Variants in PDE8B observed in about 807,000 individuals in gnomAD.
PDE8B encodes phosphodiesterase 8B.
In PDE8B, 26 loss-of-function variants were observed where a neutral mutation model predicts 101.3. The ratio of observed to expected loss-of-function variants is 0.26; its 90% CI spans 0.19 to 0.36. The LOEUF is 0.36. PDE8B is among the 10% of genes least tolerant of loss of function. PDE8B has a pLI of 1.00. For missense variants in PDE8B, 810 were observed against 1,163.1 expected (o/e 0.70, Z 4.42); for synonymous variants, 424 against 429.3 (o/e 0.99, Z 0.15).
chr5:77,379,879 G>A (rs1787121948), intron 10 of PDE8B, among the ~76,000 whole-genome samples: 1 of 152,130 alleles, frequency 6.6e-6, no homozygotes, highest in African/African-American at 2.4e-5. Context: ...TAAATGAAGG[G>A]AGGGTCTCAA....
chr5:77,140,750 C>T, the PDE8B span: 1 of 152,230 alleles, frequency 6.6e-6, no homozygotes, highest in Non-Finnish European at 1.5e-5. Flanking sequence ...GTTTATACAG[C>T]ACCTTCACTC....
At chr5:77,267,694 A>G (rs1762025289) in intron 1 of PDE8B, among the ~76,000 whole-genome samples, 1 of 152,082 alleles carries the variant, frequency 6.6e-6, no homozygotes, top group African/African-American at 2.4e-5. Flanking sequence ...TCTTGATCCT[A>G]ATCAGTGCGT....
chr5:77,417,213 C>T (rs562898188), intron 17 of PDE8B, among the ~76,000 whole-genome samples: 2 of 152,304 alleles, frequency 1.3e-5, no homozygotes, highest in South Asian at 4.1e-4. Flanking sequence ...GTTACTTTAT[C>T]AGATAGCACA....
the PDE8B span, among the ~76,000 whole-genome samples, chr5:77,103,463 A>G: frequency 2.6e-5 from 4 of 152,230 alleles, no homozygotes; most frequent in African/African-American, 9.6e-5. Context: ...CCCATAAATT[A>G]CATATTTATA....
chr5:77,246,588 A>G (rs575653259), intron 1 of PDE8B: 6 of 152,334 alleles, frequency 3.9e-5, no homozygotes, highest in Admixed American at 3.3e-4. Flanking sequence ...GAACTTAAAT[A>G]ATGTTTTATT....
chr5:77,351,555 G>C (rs1302136633), intron 9 of PDE8B, among the ~76,000 whole-genome samples: 2 of 152,144 alleles, frequency 1.3e-5, no homozygotes, highest in African/African-American at 2.4e-5. Flanking sequence ...CTCCAGGCCG[G>C]TTCTGGACTT....
chr5:77,339,143 G>A (rs911198181), intron 6 of PDE8B, among the ~76,000 whole-genome samples: 1 of 152,156 alleles, frequency 6.6e-6, no homozygotes, highest in Non-Finnish European at 1.5e-5. Context: ...GACTTTTTAA[G>A]GTCTTATCAG....
intron 1 of PDE8B, among the ~76,000 whole-genome samples, chr5:77,292,797 T>C (rs1767668353): frequency 6.6e-6 from 1 of 152,222 alleles, no homozygotes; most frequent in Admixed American, 6.5e-5. Flanking sequence ...ATATTACTAA[T>C]ATTTTTTCTC....
At chr5:77,137,136 T>C in the PDE8B span, among the ~76,000 whole-genome samples, 2 of 152,212 alleles carry the variant, frequency 1.3e-5, no homozygotes, top group Non-Finnish European at 2.9e-5. Context: ...TGATGTGCGC[T>C]TCTGTTTCTC....
the PDE8B span, among the ~76,000 whole-genome samples, chr5:77,165,995 AAAG>A: frequency 3.0e-5 from 4 of 132,026 alleles, no homozygotes; most frequent in African/African-American, 1.0e-4. Flanking sequence ...AAAAAAAGAA[AAAG>A]AAAAAAAAAA....
intron 1 of PDE8B, among the ~76,000 whole-genome samples, chr5:77,245,689 C>T (rs558588084): frequency 1.1e-4 from 16 of 152,118 alleles, no homozygotes; most frequent in Admixed American, 3.9e-4. Flanking sequence ...ACAGCAGCCC[C>T]GTGAGATAGA....
chr5:77,400,554 G>A (rs1050033900), intron 11 of PDE8B, among the ~76,000 whole-genome samples: 12 of 152,166 alleles, frequency 7.9e-5, no homozygotes, highest in African/African-American at 2.7e-4. Flanking sequence ...ATACCATGTA[G>A]GACAGATAAA....
intron 1 of PDE8B, among the ~76,000 whole-genome samples, chr5:77,275,739 T>C (rs1763726146): frequency 6.6e-6 from 1 of 152,258 alleles, no homozygotes; most frequent in Admixed American, 6.5e-5. Flanking sequence ...AGGATTACAG[T>C]TCTTTGTGTC....
the PDE8B span, among the ~76,000 whole-genome samples, chr5:77,116,392 C>T: frequency 2.9e-4 from 44 of 151,832 alleles, no homozygotes; most frequent in Non-Finnish European, 5.3e-4. Context: ...CCACCACACC[C>T]GGCTAACTCT....
chr5:77,176,122 C>T, the PDE8B span, among the ~76,000 whole-genome samples: 31 of 152,252 alleles, frequency 2.0e-4, no homozygotes, highest in African/African-American at 6.7e-4. Context: ...AGTTATACAT[C>T]GGAAGCAGGT....
intron 1 of PDE8B, among the ~76,000 whole-genome samples, chr5:77,265,842 TA>T (rs1481227583): frequency 1.3e-5 from 2 of 152,246 alleles, no homozygotes; most frequent in Admixed American, 6.5e-5. Context: ...GGCTGAAGTC[TA>T]AATTGCACGT....
chr5:77,218,409 G>A (rs557497801), intron 1 of PDE8B, among the ~76,000 whole-genome samples: 1 of 152,314 alleles, frequency 6.6e-6, no homozygotes, highest in Admixed American at 6.5e-5. Context: ...TTCCCAAGGC[G>A]AGGACTGAAG....
the PDE8B span, chr5:77,146,770 C>T: frequency 3.2e-6 from 1 of 311,440 alleles, no homozygotes; most frequent in South Asian, 3.7e-5. Flanking sequence ...GCGAACAAGG[C>T]TCGTTATGAA....
At chr5:77,096,241 A>G in the PDE8B span, among the ~76,000 whole-genome samples, 35,323 of 152,136 alleles carry the variant, frequency 0.23, 4,667 homozygotes, top group Admixed American at 0.35. Context: ...TGCCTGCCTC[A>G]GCCTCCCAAA....
Sources: gnomAD v4.1 joint callset for allele counts (sites outside exome capture counted in the v4.1 genomes callset) on GRCh38, gnomAD v4.1.1 for gene constraint, MANE v1.5 for transcripts, NCBI Gene and HGNC (gene_info 2026-07-23, HGNC 2026-07-21) for gene names.